The following CNKSR2 variants were observed in gnomAD, a reference collection of about 807,000 sequenced individuals.
CNKSR2 encodes the protein connector enhancer of kinase suppressor of Ras 2.
A neutral mutation model predicts 84.4 loss-of-function variants in CNKSR2; 14 were observed. The observed-to-expected ratio is 0.17, with a 90% confidence interval of 0.11 to 0.26. CNKSR2 has a LOEUF of 0.26. CNKSR2 is among the 10% of genes least tolerant of loss of function. The probability of loss-of-function intolerance (pLI) is 1.00; values close to 1 mark genes in which losing one functional copy is unlikely to be tolerated. For missense variants in CNKSR2, 485 were observed against 771.2 expected (o/e 0.63, Z 4.40); for synonymous variants, 275 against 277.9 (o/e 0.99, Z 0.10).
intron 4 of CNKSR2, among the ~76,000 whole-genome samples, chrX:21,464,970 C>T (rs1326999356): frequency 8.9e-6 from 1 of 111,907 alleles, no homozygotes; most frequent in East Asian, 2.8e-4. Context: ...CTGCATTTTC[C>T]CCACATAGCT....
At chrX:21,546,932 C>G (rs2092031959) in intron 11 of CNKSR2, among the ~76,000 whole-genome samples, 1 of 111,833 alleles carries the variant, frequency 8.9e-6, no homozygotes, top group South Asian at 3.7e-4. Context: ...GAAGGAAACA[C>G]TAAATATGGA....
At chrX:21,643,554 G>A (rs886806952) in intron 20 of CNKSR2, 3 of 111,510 alleles carry the variant, frequency 2.7e-5, no homozygotes, top group Non-Finnish European at 3.8e-5. Flanking sequence ...ACAAGGATGG[G>A]CTTTACATGT....
intron 20 of CNKSR2, among the ~76,000 whole-genome samples, chrX:21,626,184 C>T (rs2092622275): frequency 1.1e-5 from 1 of 92,755 alleles, no homozygotes; most frequent in Admixed American, 1.4e-4. Context: ...ATGTGACATT[C>T]AAGCTGGATG....
At chrX:21,551,353 T>C (rs2092089802) in intron 11 of CNKSR2, among the ~76,000 whole-genome samples, 1 of 112,252 alleles carries the variant, frequency 8.9e-6, no homozygotes, top group Non-Finnish European at 1.9e-5. Flanking sequence ...ATCCCAAAAC[T>C]TAAAGTATAA....
At chrX:21,636,678 A>G (rs2092673726) in intron 20 of CNKSR2, among the ~76,000 whole-genome samples, 1 of 111,129 alleles carries the variant, frequency 9.0e-6, no homozygotes, top group Non-Finnish European at 1.9e-5. Context: ...AGTCAAATAC[A>G]GTAGATAATT....
rs745950303 is a variant in CNKSR2 at position 21,652,747 on chromosome X, C to T, written c.*226C>T. On this transcript the variant is annotated 3_prime_UTR_variant, in exon 22 of 22. Coordinates refer to ENST00000379510, the MANE Select transcript of CNKSR2 (RefSeq NM_014927.5). ...GTTTACCATGTGCAAAATCAACTGTCTTTAATGACTTAAAATTAACTTTTG... is the reference window on the plus strand; with the variant it reads ...GTTTACCATGTGCAAAATCAACTGTTTTTAATGACTTAAAATTAACTTTTG... 3.2e-6 allele frequency: 1 copy of T among 314,696 alleles called. No homozygotes were observed. The highest frequency in any genetic ancestry group is 2.7e-5 in the African/African-American group (1 of 37,142). The allele number at this position is 314,696 out of a possible 1,213,427, so 25.9% of individuals were successfully genotyped here.
intron 13 of CNKSR2, among the ~76,000 whole-genome samples, chrX:21,575,167 A>G (rs2147217175): frequency 8.9e-6 from 1 of 111,965 alleles, no homozygotes; most frequent in East Asian, 2.8e-4. Context: ...ATACAGATAT[A>G]TGGTTAAAAG....
intron 17 of CNKSR2, among the ~76,000 whole-genome samples, chrX:21,600,154 G>C (rs2092473632): frequency 8.9e-6 from 1 of 111,801 alleles, no homozygotes; most frequent in Non-Finnish European, 1.9e-5. Context: ...TTGTCTATTA[G>C]AGACAGGAAT....
chrX:21,642,314 T>G, intron 20 of CNKSR2: 1 of 748,835 alleles, frequency 1.3e-6, no homozygotes, highest in Non-Finnish European at 1.6e-6. Flanking sequence ...TCTCCTTATT[T>G]CTTGGCACTT....
chrX:21,446,391 C>G (rs1285902318), intron 4 of CNKSR2, among the ~76,000 whole-genome samples: 1 of 111,323 alleles, frequency 9.0e-6, no homozygotes, highest in East Asian at 2.8e-4. Flanking sequence ...TATAAATACA[C>G]ATACAAGAAA....
chrX:21,436,698 T>C (rs2090709870), intron 3 of CNKSR2, among the ~76,000 whole-genome samples: 1 of 111,637 alleles, frequency 9.0e-6, no homozygotes, highest in Non-Finnish European at 1.9e-5. Context: ...ACAGTTTCTT[T>C]ATTTTTGTTT....
intron 1 of CNKSR2, among the ~76,000 whole-genome samples, chrX:21,422,810 A>G (rs1329532278): frequency 9.0e-6 from 1 of 111,586 alleles, no homozygotes; most frequent in Non-Finnish European, 1.9e-5. Context: ...TACTTTGTAT[A>G]ATGTATCAGA....
intron 1 of CNKSR2, among the ~76,000 whole-genome samples, chrX:21,418,680 T>C (rs2090455235): frequency 9.0e-6 from 1 of 111,388 alleles, no homozygotes; most frequent in Non-Finnish European, 1.9e-5. Context: ...CTCCATTGTA[T>C]GTTGTTTGTT....
intron 7 of CNKSR2, among the ~76,000 whole-genome samples, chrX:21,500,450 A>G (rs1031172550): frequency 1.8e-5 from 2 of 111,346 alleles, no homozygotes; most frequent in African/African-American, 6.5e-5. Context: ...TTTAGCTTTC[A>G]GTAGATAATA....
chrX:21,474,420 C>T (rs187388992), intron 5 of CNKSR2, among the ~76,000 whole-genome samples: 1 of 111,768 alleles, frequency 8.9e-6, no homozygotes, highest in Non-Finnish European at 1.9e-5. Flanking sequence ...TCGATCCCAT[C>T]GGGACCTTCT....
intron 7 of CNKSR2, among the ~76,000 whole-genome samples, chrX:21,498,815 A>AT (rs367630639): frequency 0.05 from 5,453 of 108,302 alleles, 337 homozygotes; most frequent in African/African-American, 0.16. Flanking sequence ...CTTTGAATGT[A>AT]TTTTTTTTTT....
intron 20 of CNKSR2, among the ~76,000 whole-genome samples, chrX:21,646,996 C>G: frequency 9.0e-6 from 1 of 111,680 alleles, no homozygotes; most frequent in Non-Finnish European, 1.9e-5. Context: ...GTTAAGATTC[C>G]CTATCTTGCT....
intron 20 of CNKSR2, among the ~76,000 whole-genome samples, chrX:21,630,872 A>G (rs73453520): frequency 0.037 from 4,097 of 111,357 alleles, 181 homozygotes; most frequent in African/African-American, 0.13. Context: ...AATTATAATT[A>G]GTGTACTTTC....
At chrX:21,483,731 T>G (rs1441578230) in intron 5 of CNKSR2, among the ~76,000 whole-genome samples, 2 of 109,398 alleles carry the variant, frequency 1.8e-5, no homozygotes, top group Non-Finnish European at 3.8e-5. Context: ...TGTTCAACAG[T>G]TGTGTCTTGT....
Sources: gnomAD v4.1 joint callset for allele counts (sites outside exome capture counted in the v4.1 genomes callset) on GRCh38, gnomAD v4.1.1 for gene constraint, MANE v1.5 for transcripts, NCBI Gene and HGNC (gene_info 2026-07-23, HGNC 2026-07-21) for gene names.